The following TXN2 variants were observed in gnomAD, a reference collection of about 807,000 sequenced individuals.
TXN2 encodes thioredoxin, mitochondrial.
In TXN2, 12 loss-of-function variants were observed where a neutral mutation model predicts 14.6. That is an observed-to-expected ratio of 0.82 (90% CI 0.53 to 1.33). TXN2 has a LOEUF of 1.33. Ranked by LOEUF, TXN2 falls within the 40% of genes most tolerant of loss-of-function variation. The pLI, the probability that TXN2 is intolerant of heterozygous loss-of-function variation, is 0.00. For synonymous variants in TXN2, 89 were observed against 81.0 expected (o/e 1.10, Z -0.53); for missense variants, 173 against 207.7 (o/e 0.83, Z 1.03).
At chr22:36,470,992 T>C (rs1359984994) in intron 3 of TXN2, among the ~76,000 whole-genome samples, 1 of 151,214 alleles carries the variant, frequency 6.6e-6, no homozygotes, top group Non-Finnish European at 1.5e-5. Context: ...CACACACACA[T>C]ACACACTACC....
At position 36,467,784 on chromosome 22, in the gene TXN2, C is replaced by T; in HGVS notation, c.*20G>A. 6.2e-7 allele frequency: 1 copy of T among 1,602,472 alleles called. No individual in the cohort carries two copies. The highest frequency in any genetic ancestry group is 2.2e-5 in the East Asian group (1 of 44,832). On this transcript the variant is annotated 3_prime_UTR_variant, in exon 4 of 4. Transcript: ENST00000216185. ...TTGGGGTCCCACGCGGGCAAGGGAA[C>T]CAGGACTCATCCCTGCTTGTCAGCC... is the stretch of plus-strand genomic sequence containing the variant.
intron 3 of TXN2, among the ~76,000 whole-genome samples, chr22:36,475,306 A>G (rs1274444873): frequency 6.6e-6 from 1 of 152,190 alleles, no homozygotes; most frequent in Non-Finnish European, 1.5e-5. Flanking sequence ...TGAACCCGGG[A>G]GGCAGAGGTT....
chr22:36,479,778 G>A (rs1424114674), intron 2 of TXN2, among the ~76,000 whole-genome samples: 1 of 152,090 alleles, frequency 6.6e-6, no homozygotes, highest in East Asian at 1.9e-4. Context: ...AAATTCAGAA[G>A]GCCAGAGGGA....
At chr22:36,469,580 GC>G (rs1211851927) in intron 3 of TXN2, among the ~76,000 whole-genome samples, 7 of 152,152 alleles carry the variant, frequency 4.6e-5, no homozygotes, top group Admixed American at 2.0e-4. Context: ...TGAGGCTGTG[GC>G]CCACCAGACT....
chr22:36,480,833 G>A lies in TXN2; in HGVS notation c.5C>T (p.Ala2Val). M[A>V]QRLLLRRFLA... ...GAACCTCCTCAGAAGAAGTCGCTGA[G>A]CCATCTGTGAGGGAAAGAGGCAGAA... The change falls in exon 2 of 4, where the codon GCT (alanine) becomes GTT (valine). Residue 2 changes from alanine to valine, a missense_variant. By Grantham distance (64) the Ala-to-Val change is moderately conservative (BLOSUM62 0). Transcript: ENST00000216185. 1 of 1,564,714 alleles carries A rather than the reference G, an allele frequency of 6.4e-7. No homozygotes were observed. The highest frequency in any genetic ancestry group is 8.7e-7 in the Non-Finnish European group (1 of 1,154,736).
In TXN2 at chr22:36,467,296, T is replaced by G; in HGVS notation, c.*508A>C. 1 of 157,454 alleles carries G rather than the reference T, an allele frequency of 6.4e-6. No homozygotes were observed. The highest frequency in any genetic ancestry group is 1.4e-5 in the Non-Finnish European group (1 of 71,088). 9.8% of individuals were successfully genotyped at this position (157,454 alleles called of 1,614,324 possible). Reference sequence around the variant, plus strand: ...AGGGTCTGTTCTTCACAGTAGGAGGTGGAAGGGATGACTAAGTTCTTTATC... The same window carrying G: ...AGGGTCTGTTCTTCACAGTAGGAGGGGGAAGGGATGACTAAGTTCTTTATC... On this transcript the variant is annotated 3_prime_UTR_variant, in exon 4 of 4. Transcript: ENST00000216185.
chr22:36,473,874 C>T (rs536726063), intron 3 of TXN2, among the ~76,000 whole-genome samples: 2 of 152,372 alleles, frequency 1.3e-5, no homozygotes, highest in African/African-American at 2.4e-5. Flanking sequence ...ATTCCCGCCA[C>T]CCCACGAGAC....
chr22:36,473,005 G>C (rs1178409802), intron 3 of TXN2, among the ~76,000 whole-genome samples: 4 of 152,042 alleles, frequency 2.6e-5, no homozygotes, highest in Non-Finnish European at 4.4e-5. Flanking sequence ...CTGGGAGCTT[G>C]TTAGAAATGC....
At chr22:36,479,056 G>A (rs1285354486) in intron 2 of TXN2, among the ~76,000 whole-genome samples, 1 of 152,126 alleles carries the variant, frequency 6.6e-6, no homozygotes, top group Non-Finnish European at 1.5e-5. Context: ...GAGATCAGGA[G>A]GTAGAGACTG....
intron 3 of TXN2, 36 bp from the exon 4 acceptor site, chr22:36,467,953 G>A: frequency 2.5e-6 from 4 of 1,570,614 alleles, no homozygotes; most frequent in Non-Finnish European, 2.6e-6. Context: ...AAGTGAATTG[G>A]GAGTGAATAC....
intron 3 of TXN2, among the ~76,000 whole-genome samples, chr22:36,474,679 C>T (rs1933350424): frequency 6.6e-6 from 1 of 152,222 alleles, no homozygotes; most frequent in Non-Finnish European, 1.5e-5. Context: ...ACTTCGAGTG[C>T]CAGACTAAAA....
intron 3 of TXN2, among the ~76,000 whole-genome samples, chr22:36,471,258 G>A (rs1178350285): frequency 2.6e-5 from 4 of 152,186 alleles, no homozygotes; most frequent in South Asian, 2.1e-4. Context: ...GTCCTGTTCC[G>A]TGAAGCCACT....
At position 36,473,591 on chromosome 22, in the gene TXN2, G is replaced by A. The variant is rs377279927; in HGVS notation, c.387+3142C>T. 3.2e-3 allele frequency among the ~76,000 whole-genome samples: 493 copies of A among 152,310 alleles called. 3 individuals carry two copies. The highest frequency in any genetic ancestry group is 0.011 in the African/African-American group (473 of 41,568). On this transcript the variant is annotated intron_variant, in intron 3 of 3. Transcript: ENST00000216185. ...GGGAGGGAGAGAGGGAGGGGGTCAG[G>A]AAGAACCCTGGCTGGAGCTTCCTAA...
chr22:36,469,849 G>A (rs965824277), intron 3 of TXN2, among the ~76,000 whole-genome samples: 8 of 152,212 alleles, frequency 5.3e-5, no homozygotes, highest in Non-Finnish European at 1.0e-4. Context: ...CCAGCTACTC[G>A]GGAGGCTGAG....
At chr22:36,475,233 G>GT (rs1163111308) in intron 3 of TXN2, among the ~76,000 whole-genome samples, 4 of 50,854 alleles carry the variant, frequency 7.9e-5, no homozygotes, top group African/African-American at 1.3e-4. Context: ...CAAAAAATTA[G>GT]CCGGCGTGGT....
intron 2 of TXN2, 31 bp downstream of exon 2, chr22:36,480,544 C>A: frequency 6.2e-7 from 1 of 1,602,576 alleles, no homozygotes; most frequent in Non-Finnish European, 8.5e-7. Context: ...ACAAGTAGGA[C>A]CCTAGTCTTC....
rs534944987 is a variant in TXN2 at position 36,480,803 on chromosome 22, G to C, written c.35C>G (p.Ala12Gly). ...AQRLLLRRFL[A>G]SVISRKPSQG... The stretch of plus-strand genomic sequence containing the variant: ...AGAGGGCTTCCTGGAGATGACAGAG[G>C]CCAGGAACCTCCTCAGAAGAAGTCG... Residue 12 changes from alanine (A) to glycine (G), a missense_variant, in exon 2 of 4, where the codon GCC (alanine) becomes GGC (glycine). By Grantham distance (60) the Ala-to-Gly change is moderately conservative (BLOSUM62 0). Coordinates refer to ENST00000216185, the MANE Select transcript of TXN2 (RefSeq NM_012473.4). 2.5e-6 allele frequency: 4 copies of C among 1,603,352 alleles called. No homozygotes were observed. Among genetic ancestry groups the C allele is most frequent in the Admixed American group, 1.7e-5 (1 of 58,400 alleles).
At chr22:36,469,817 G>A (rs768133930) in intron 3 of TXN2, among the ~76,000 whole-genome samples, 4 of 152,104 alleles carry the variant, frequency 2.6e-5, no homozygotes, top group African/African-American at 4.8e-5. Context: ...TTAGCCGGGC[G>A]TGGTGGGGCA....
In TXN2 at chr22:36,467,694, TG is replaced by T; in HGVS notation, c.*109del. 1.1e-6 allele frequency: 1 copy of T among 944,050 alleles called. No individual in the cohort carries two copies. Among genetic ancestry groups the T allele is most frequent in the African/African-American group, 1.6e-5 (1 of 62,420 alleles). The allele number at this position is 944,050 out of a possible 1,614,324, so 58.5% of individuals were successfully genotyped here. A position where few individuals can be genotyped will look rare whatever the true frequency, so the allele number is the denominator to read the frequency against. On this transcript the variant is annotated 3_prime_UTR_variant, in exon 4 of 4. Coordinates refer to ENST00000216185, the MANE Select transcript of TXN2 (RefSeq NM_012473.4). Reference sequence around the variant, plus strand: ...AGGGCTGGAGCCTGGGCTCTAAGCATGGGCCCCAGGAGCCAGACAGGAGGGA... The same window carrying T: ...AGGGCTGGAGCCTGGGCTCTAAGCATGGCCCCAGGAGCCAGACAGGAGGGA...
Sources: allele counts gnomAD v4.1 joint callset (sites outside exome capture counted in the v4.1 genomes callset), GRCh38; gene constraint gnomAD v4.1.1; transcripts MANE v1.5; gene names NCBI Gene and HGNC (gene_info 2026-07-23, HGNC 2026-07-21).